Variants in WDR17 observed in about 807,000 individuals in gnomAD.
WDR17 encodes the protein WD repeat domain 17.
WDR17 carries 143 observed loss-of-function variants against 161.7 expected under a neutral mutation model. That is an observed-to-expected ratio of 0.88 (90% CI 0.77 to 1.02). The LOEUF is 1.02. Among genes scored for constraint, WDR17 ranks in the 50% least tolerant of loss-of-function variants. The pLI is 0.00. For missense variants in WDR17, 1,469 were observed against 1,520.9 expected (o/e 0.97, Z 0.57); for synonymous variants, 517 against 515.6 (o/e 1.00, Z -0.04).
At chr4:176,112,439 A>G (rs1192194747) in intron 2 of WDR17, among the ~76,000 whole-genome samples, 1 of 152,216 alleles carries the variant, frequency 6.6e-6, no homozygotes, top group Non-Finnish European at 1.5e-5. Flanking sequence ...ATTCCCTAAT[A>G]GTAACATCTA....
chr4:176,091,369 G>A (rs960484280), intron 1 of WDR17, among the ~76,000 whole-genome samples: 1 of 152,020 alleles, frequency 6.6e-6, no homozygotes, highest in Non-Finnish European at 1.5e-5. Context: ...CAAACACATG[G>A]ATATTAAACA....
At chr4:176,161,601 T>C (rs1749047540) in intron 20 of WDR17, among the ~76,000 whole-genome samples, 1 of 152,174 alleles carries the variant, frequency 6.6e-6, no homozygotes, top group South Asian at 2.1e-4. Context: ...ACTCATCAAG[T>C]AGAAGAGGAT....
chr4:176,126,571 A>T (rs1169677168), intron 5 of WDR17, among the ~76,000 whole-genome samples: 1 of 152,154 alleles, frequency 6.6e-6, no homozygotes, highest in Non-Finnish European at 1.5e-5. Flanking sequence ...AGGGGAAAAA[A>T]ATTCCACAAA....
At chr4:176,111,992 A>G (rs375771570) in intron 2 of WDR17, among the ~76,000 whole-genome samples, 1 of 152,188 alleles carries the variant, frequency 6.6e-6, no homozygotes, top group East Asian at 1.9e-4. Context: ...ACAGACATAT[A>G]TTGTGAGATA....
At chr4:176,111,458 AC>A (rs1739724169) in intron 1 of WDR17, 116 bp from the exon 2 acceptor site, 1 of 1,112,972 alleles carries the variant, frequency 9.0e-7, no homozygotes, top group South Asian at 2.3e-5. Context: ...AATTAATAGT[AC>A]TAGTAAAATG....
intron 6 of WDR17, among the ~76,000 whole-genome samples, chr4:176,130,723 CA>C (rs1447745823): frequency 3.2e-5 from 4 of 126,282 alleles, no homozygotes; most frequent in African/African-American, 6.0e-5. Flanking sequence ...CCAGCCCGGG[CA>C]ACAGAGCGAG....
chr4:176,111,779 T>G (rs181791583), intron 2 of WDR17, 76 bp downstream of exon 2: 1 of 1,264,316 alleles, frequency 7.9e-7, no homozygotes, highest in East Asian at 2.9e-5. Context: ...TTTTAAGTCC[T>G]TGTTACATGA....
At chr4:176,093,657 A>G (rs1266094363) in intron 1 of WDR17, among the ~76,000 whole-genome samples, 1 of 152,062 alleles carries the variant, frequency 6.6e-6, no homozygotes, top group East Asian at 1.9e-4. Context: ...TGTGTAATAA[A>G]TTTCCTCAAA....
chr4:176,075,640 A>C lies in WDR17; in HGVS notation c.-7+9561A>C, dbSNP rs574612843. Among the ~76,000 whole-genome samples, 29 of 152,244 alleles carry C rather than the reference A, an allele frequency of 1.9e-4. No homozygotes were observed. The South Asian group carries it at 5.2e-3, about 27-fold the overall frequency. On this transcript the variant is annotated intron_variant, in intron 1 of 28. Transcript: ENST00000508596. The stretch of plus-strand genomic sequence containing the variant: ...AATACATGTGTAAATTGCCTTCTAA[A>C]TCTTTCCAGTATGAGAATGTCTTTC...
chr4:176,071,729 T>A (rs1029337698), intron 1 of WDR17, among the ~76,000 whole-genome samples: 1 of 152,216 alleles, frequency 6.6e-6, no homozygotes, highest in Non-Finnish European at 1.5e-5. Context: ...CAAAAATTAT[T>A]TCCATGTTGC....
intron 7 of WDR17, among the ~76,000 whole-genome samples, chr4:176,132,941 G>C (rs1176656865): frequency 1.3e-5 from 2 of 151,550 alleles, no homozygotes; most frequent in Non-Finnish European, 3.0e-5. Context: ...TTGCTGATAT[G>C]TCCTGAGTTG....
chr4:176,119,332 T>G (rs1487187764), intron 3 of WDR17, among the ~76,000 whole-genome samples: 1 of 152,162 alleles, frequency 6.6e-6, no homozygotes, highest in Non-Finnish European at 1.5e-5. Flanking sequence ...AATGACTTGT[T>G]TTTCTGAGGC....
chr4:176,168,807 C>T, intron 23 of WDR17, 24 bp downstream of exon 23: 5 of 1,600,136 alleles, frequency 3.1e-6, no homozygotes, highest in Non-Finnish European at 4.3e-6. Flanking sequence ...GTTAAATATT[C>T]TGGTTTGGAA....
intron 5 of WDR17, 128 bp from the exon 6 acceptor site, chr4:176,128,610 G>C: frequency 2.3e-6 from 2 of 882,192 alleles, no homozygotes; most frequent in Non-Finnish European, 3.5e-6. Flanking sequence ...GTATGGTATT[G>C]TTGTTAAAAG....
At chr4:176,138,316 G>T (rs1362291547) in intron 9 of WDR17, among the ~76,000 whole-genome samples, 1 of 151,378 alleles carries the variant, frequency 6.6e-6, no homozygotes, top group Non-Finnish European at 1.5e-5. Context: ...CTATATATTT[G>T]GGGTTTTAAA....
intron 28 of WDR17, among the ~76,000 whole-genome samples, chr4:176,179,110 C>T (rs1447473053): frequency 6.6e-6 from 1 of 152,072 alleles, no homozygotes; most frequent in Admixed American, 6.6e-5. Flanking sequence ...ATATTTAAGC[C>T]TATTACTAGA....
Position 176,146,361 on chromosome 4 carries a change from G to A in WDR17, c.1694+202G>A, listed in dbSNP as rs756581254. On this transcript the variant is annotated intron_variant, in intron 12 of 28. Coordinates refer to ENST00000508596, the MANE Select transcript of WDR17 (RefSeq NM_181265.4). Reference sequence around the variant, plus strand: ...TGATTCTCCTGCCTCAGCCTCCCGAGTAGCTGGGAACCACAGATTTAGTAT... The same window carrying A: ...TGATTCTCCTGCCTCAGCCTCCCGAATAGCTGGGAACCACAGATTTAGTAT... Among the ~76,000 whole-genome samples the A allele has an allele frequency of 2.6e-5, 4 of 152,158 alleles. No individual in the cohort carries two copies. In the East Asian group the frequency reaches 5.8e-4, roughly 22 times the overall value.
chr4:176,113,244 CT>C (rs1740065633), intron 2 of WDR17, among the ~76,000 whole-genome samples: 1 of 151,968 alleles, frequency 6.6e-6, no homozygotes, highest in Non-Finnish European at 1.5e-5. Flanking sequence ...CTTATCTTGT[CT>C]TTTATTTCCT....
At chr4:176,095,399 T>A (rs1383783281) in intron 1 of WDR17, among the ~76,000 whole-genome samples, 1 of 152,144 alleles carries the variant, frequency 6.6e-6, no homozygotes, top group Non-Finnish European at 1.5e-5. Context: ...CGAAGCATTA[T>A]GACTTGAGGC....
Sources: allele counts gnomAD v4.1 joint callset (sites outside exome capture counted in the v4.1 genomes callset), GRCh38; gene constraint gnomAD v4.1.1; transcripts MANE v1.5; gene names NCBI Gene and HGNC (gene_info 2026-07-23, HGNC 2026-07-21).